The following GRIN2A variants were observed in gnomAD, a reference collection of about 807,000 sequenced individuals.
GRIN2A encodes glutamate receptor ionotropic, NMDA 2A.
A neutral mutation model predicts 113.4 loss-of-function variants in GRIN2A; 22 were observed. The ratio of observed to expected loss-of-function variants is 0.19; its 90% CI spans 0.14 to 0.28. The LOEUF is 0.28. Ranked by LOEUF, GRIN2A falls within the 10% of genes least tolerant of loss-of-function variation. The probability of loss-of-function intolerance (pLI) is 1.00; values close to 1 mark genes in which losing one functional copy is unlikely to be tolerated. For missense variants in GRIN2A, 1,502 were observed against 1,887.0 expected (o/e 0.80, Z 3.78); for synonymous variants, 827 against 738.4 (o/e 1.12, Z -1.94).
Position 9,944,649 on chromosome 16 carries a change from T to A in GRIN2A, c.415-6098A>T, listed in dbSNP as rs187166927. Among the ~76,000 whole-genome samples the A allele has an allele frequency of 3.2e-3, 486 of 152,194 alleles. 2 individuals are homozygous for A. Among genetic ancestry groups the A allele is most frequent in the Middle Eastern group, 6.8e-3 (2 of 294 alleles). On this transcript the variant is annotated intron_variant, in intron 2 of 12. Coordinates refer to ENST00000330684, the MANE Select transcript of GRIN2A (RefSeq NM_001134407.3). Reference sequence around the variant, plus strand: ...TGCGGAGAGGTGTGAATCTTGCATGTCCTTCAGACTGACAATTCTTGAGGG... The same window carrying A: ...TGCGGAGAGGTGTGAATCTTGCATGACCTTCAGACTGACAATTCTTGAGGG...
At chr16:10,122,931 G>C (rs1011563434) in intron 2 of GRIN2A, among the ~76,000 whole-genome samples, 1 of 152,128 alleles carries the variant, frequency 6.6e-6, no homozygotes, top group Non-Finnish European at 1.5e-5. Context: ...GCTGGGAAAG[G>C]TTAAAAAATA....
chr16:9,862,923 A>G (rs964801431), intron 4 of GRIN2A, among the ~76,000 whole-genome samples: 1 of 152,226 alleles, frequency 6.6e-6, no homozygotes, highest in Non-Finnish European at 1.5e-5. Flanking sequence ...ATTAACGAGT[A>G]TAATTGTTGG....
intron 11 of GRIN2A, among the ~76,000 whole-genome samples, chr16:9,789,509 A>G (rs756886411): frequency 1.3e-5 from 2 of 151,764 alleles, no homozygotes; most frequent in African/African-American, 4.8e-5. Flanking sequence ...AGTTTAGAGA[A>G]TTTGGAAAAC....
At chr16:9,999,960 C>T (rs1217389318) in intron 2 of GRIN2A, among the ~76,000 whole-genome samples, 1 of 152,138 alleles carries the variant, frequency 6.6e-6, no homozygotes, top group Non-Finnish European at 1.5e-5. Context: ...TCCTCCAGAA[C>T]TCTAGGAAAG....
chr16:10,074,103 C>G (rs67828712), intron 2 of GRIN2A, among the ~76,000 whole-genome samples: 1 of 152,012 alleles, frequency 6.6e-6, no homozygotes, highest in Non-Finnish European at 1.5e-5. Context: ...GGCATACAAA[C>G]AGCCACTAAG....
intron 2 of GRIN2A, among the ~76,000 whole-genome samples, chr16:9,953,989 G>T (rs1297223642): frequency 6.6e-6 from 1 of 151,712 alleles, no homozygotes; most frequent in East Asian, 1.9e-4. Context: ...GTATAGAGAA[G>T]AATTTCTCTG....
chr16:9,839,407 A>G (rs943235766), intron 7 of GRIN2A, among the ~76,000 whole-genome samples: 3 of 151,212 alleles, frequency 2.0e-5, no homozygotes, highest in African/African-American at 4.9e-5. Context: ...ATGTAAAAAC[A>G]TAAATTTACA....
chr16:10,112,240 A>C, intron 2 of GRIN2A: 1 of 621,022 alleles, frequency 1.6e-6, no homozygotes, highest in Non-Finnish European at 3.0e-6. Context: ...ACCATGGTGC[A>C]TTACATCAAA....
intron 2 of GRIN2A, among the ~76,000 whole-genome samples, chr16:10,024,472 C>A (rs1177436611): frequency 2.6e-5 from 4 of 152,256 alleles, no homozygotes; most frequent in African/African-American, 7.2e-5. Context: ...CCCGTCTTGG[C>A]CTCCCAAAGT....
chr16:10,131,073 G>A lies in GRIN2A; in HGVS notation c.414+48925C>T, dbSNP rs567454137. Among the ~76,000 whole-genome samples the A allele has an allele frequency of 2.0e-5, 3 of 152,196 alleles. No homozygotes were observed. The East Asian group carries it at 5.8e-4, about 29-fold the overall frequency. On this transcript the variant is annotated intron_variant, in intron 2 of 12. Transcript: ENST00000330684. ...TTAGAAAAGCACTTAAAAAATTCAA[G>A]GCACATCCACAAGATTTCAAGAGCT...
In GRIN2A at chr16:10,047,541, T is replaced by A. The variant is rs536957130; in HGVS notation, c.415-108990A>T. Among the ~76,000 whole-genome samples, 12 of 152,346 alleles carry A rather than the reference T, an allele frequency of 7.9e-5. No individual in the cohort carries two copies. The South Asian group carries it at 2.5e-3, about 32-fold the overall frequency. ...ATCTTCTTTACTTTGTTCTATGAAC[T>A]TACAGACTTGAGTCCCATACCTGAT... On this transcript the variant is annotated intron_variant, in intron 2 of 12. Transcript: ENST00000330684.
At chr16:10,072,990 C>T (rs1167900913) in intron 2 of GRIN2A, among the ~76,000 whole-genome samples, 1 of 129,486 alleles carries the variant, frequency 7.7e-6, no homozygotes, top group Non-Finnish European at 1.6e-5. Context: ...CTTTTCGTTG[C>T]CCAGGCCCAG....
chr16:10,005,504 G>A (rs1308621822), intron 2 of GRIN2A, among the ~76,000 whole-genome samples: 1 of 152,260 alleles, frequency 6.6e-6, no homozygotes, highest in Non-Finnish European at 1.5e-5. Context: ...TGTACCATGA[G>A]TGAGTGAAGT....
intron 2 of GRIN2A, among the ~76,000 whole-genome samples, chr16:9,980,332 A>C (rs543555799): frequency 5.3e-5 from 8 of 151,908 alleles, no homozygotes; most frequent in African/African-American, 1.9e-4. Context: ...AAAAGTCAGG[A>C]AACAACAGGT....
At chr16:10,103,240 A>G (rs1327057192) in intron 2 of GRIN2A, among the ~76,000 whole-genome samples, 6 of 152,198 alleles carry the variant, frequency 3.9e-5, no homozygotes, top group Non-Finnish European at 8.8e-5. Context: ...GAAAGCTGAA[A>G]CCCAAAACAG....
chr16:9,874,992 G>T (rs1272255615), intron 4 of GRIN2A, among the ~76,000 whole-genome samples: 2 of 151,720 alleles, frequency 1.3e-5, no homozygotes, highest in Non-Finnish European at 2.9e-5. Flanking sequence ...AGGGGCAGAG[G>T]CTGGATAATT....
At chr16:9,872,181 G>C (rs543567878) in intron 4 of GRIN2A, among the ~76,000 whole-genome samples, 122 of 152,232 alleles carry the variant, frequency 8.0e-4, no homozygotes, top group Non-Finnish European at 1.2e-3. Context: ...TTTGCTGTTG[G>C]AAACAAAGAA....
intron 2 of GRIN2A, among the ~76,000 whole-genome samples, chr16:10,096,747 G>A (rs1238085552): frequency 6.6e-6 from 1 of 151,874 alleles, no homozygotes; most frequent in Non-Finnish European, 1.5e-5. Context: ...CCTTACCTGT[G>A]CCACATACCC....
At chr16:10,021,712 C>T (rs2046726664) in intron 2 of GRIN2A, among the ~76,000 whole-genome samples, 1 of 151,876 alleles carries the variant, frequency 6.6e-6, no homozygotes, top group Non-Finnish European at 1.5e-5. Flanking sequence ...ATGCAAATGC[C>T]CCAAAGCAGG....
Sources: allele counts gnomAD v4.1 joint callset (sites outside exome capture counted in the v4.1 genomes callset), GRCh38; gene constraint gnomAD v4.1.1; transcripts MANE v1.5; gene names NCBI Gene and HGNC (gene_info 2026-07-23, HGNC 2026-07-21).